CCP110: variants seen among roughly 807,000 people sequenced by gnomAD.
CCP110 encodes centriolar coiled-coil protein of 110 kDa.
Under a neutral mutation model 105.5 loss-of-function variants are expected in CCP110, and 43 were observed. The observed-to-expected ratio is 0.41, with a 90% CI of 0.32 to 0.53. CCP110 has a LOEUF of 0.53. Ranked by LOEUF, CCP110 falls within the 20% of genes least tolerant of loss-of-function variation. The pLI, the probability that CCP110 is intolerant of heterozygous loss-of-function variation, is 0.32. For missense variants in CCP110, 1,016 were observed against 1,189.1 expected (o/e 0.85, Z 2.14); for synonymous variants, 353 against 392.1 (o/e 0.90, Z 1.18).
In CCP110 at chr16:19,524,090, T is replaced by G. The variant is rs1969580283; in HGVS notation, c.-16+2T>G. 2 of 152,368 alleles carry G rather than the reference T, an allele frequency of 1.3e-5. No homozygotes were observed. Among genetic ancestry groups the G allele is most frequent in the Admixed American group, 6.6e-5 (1 of 15,196 alleles). The allele number at this position is 152,368 out of a possible 1,614,324, so 9.4% of individuals were successfully genotyped here. The stretch of plus-strand genomic sequence containing the variant: ...GCTGAAGGGGCCGTGGGGGATCAGG[T>G]GTGTGCATGAGGAGGGGGCTTGAGC... On this transcript the variant is annotated splice_donor_variant, in intron 1 of 14. Coordinates refer to ENST00000381396, the Ensembl canonical transcript of CCP110. LOFTEE classifies it low-confidence loss of function (5UTR_SPLICE).
chr16:19,524,532 A>G (rs1443867624), intron 1 of CCP110, among the ~76,000 whole-genome samples: 3 of 152,160 alleles, frequency 2.0e-5, no homozygotes, highest in South Asian at 2.1e-4. Context: ...TGTTTCCACA[A>G]CCAAGGCCCT....
chr16:19,552,991 C>T (rs1970689565), exon 15 of CCP110: 1 of 152,178 alleles, frequency 6.6e-6, no homozygotes, highest in Non-Finnish European at 1.5e-5. Flanking sequence ...ATAAACTGTG[C>T]TTTATCATTC....
At chr16:19,532,064 T>A in intron 2 of CCP110, among the ~76,000 whole-genome samples, 1 of 152,246 alleles carries the variant, frequency 6.6e-6, no homozygotes, top group East Asian at 1.9e-4. Flanking sequence ...GGGCCTTAAT[T>A]TTATTTCTGT....
Position 19,542,680 on chromosome 16 carries a change from C to G in CCP110, c.2287C>G (p.Leu763Val), listed in dbSNP as rs377710709. The G allele has an allele frequency of 1.7e-5, 28 of 1,613,154 alleles. No individual in the cohort carries two copies. The South Asian group carries it at 2.6e-4, about 15-fold the overall frequency. Residue 763 changes from leucine (L) to valine (V), a missense_variant, in exon 7 of 15, where the codon CTC becomes GTC. Leu to Val is a conservative substitution (Grantham distance 32, BLOSUM62 1). Coordinates refer to ENST00000381396, the Ensembl canonical transcript of CCP110. ...TTCTGCAAACGAAGCACCATTCTACCTCTGGGGATCATCAACTAGTGGCTT... is the reference window on the plus strand; with the variant it reads ...TTCTGCAAACGAAGCACCATTCTACGTCTGGGGATCATCAACTAGTGGCTT...
Position 19,532,521 on chromosome 16 carries a change from C to G in CCP110, c.247C>G (p.Gln83Glu), listed in dbSNP as rs1285098244. The change falls in exon 3 of 15, where the codon CAG becomes GAG. Residue 83 changes from glutamine (Q) to glutamate (E), a missense_variant. By Grantham distance (29) the Gln-to-Glu change is conservative. Coordinates refer to ENST00000381396, the Ensembl canonical transcript of CCP110. ...GAAGAAAGCTTTACTGACTCGTGTCCAGGAGATTCTTGACAATGTTCAGGT... is the reference window on the plus strand; with the variant it reads ...GAAGAAAGCTTTACTGACTCGTGTCGAGGAGATTCTTGACAATGTTCAGGT... 1.9e-6 allele frequency: 3 copies of G among 1,608,240 alleles called. No homozygotes were observed. In the African/African-American group the frequency reaches 4.0e-5, roughly 22 times the overall value.
At chr16:19,539,111 C>CA (rs749891365) in intron 4 of CCP110, among the ~76,000 whole-genome samples, 7,345 of 121,072 alleles carry the variant, frequency 0.061, 230 homozygotes, top group African/African-American at 0.11. Flanking sequence ...GATTCCATCT[C>CA]AAAAAAAAAA....
rs1294930369 is a variant in CCP110 at position 19,542,597 on chromosome 16, A to G, written c.2228-24A>G. 4 of 1,538,804 alleles carry G rather than the reference A, an allele frequency of 2.6e-6. No homozygotes were observed. In the African/African-American group the frequency reaches 5.4e-5, roughly 21 times the overall value. On this transcript the variant is annotated intron_variant, in intron 6 of 14. Coordinates refer to ENST00000381396, the Ensembl canonical transcript of CCP110. ...ATTCTAATTATATGACATCAAGTAT[A>G]ATACTATATGTATGTTTCTCTAGGT...
intron 5 of CCP110, among the ~76,000 whole-genome samples, 176 bp from the exon 6 acceptor site, chr16:19,541,711 G>C (rs983131761): frequency 1.3e-5 from 2 of 150,044 alleles, no homozygotes; most frequent in Non-Finnish European, 3.0e-5. Context: ...AAAGAAAAGA[G>C]GGAGGGAGGG....
chr16:19,536,041 A>G (rs760935454), exon 4 of CCP110: 2 of 1,613,926 alleles, frequency 1.2e-6, no homozygotes, highest in Non-Finnish European at 8.5e-7. Flanking sequence ...CTACATTTCC[A>G]AATAGCTTTC....
At chr16:19,545,282 G>C (rs1365618289) in intron 10 of CCP110, 72 bp downstream of exon 10, 2 of 761,244 alleles carry the variant, frequency 2.6e-6, no homozygotes. Flanking sequence ...GTCAGTTTTG[G>C]TTGACTTCAG....
At chr16:19,546,416 G>T in exon 12 of CCP110, 1 of 1,563,666 alleles carries the variant, frequency 6.4e-7, no homozygotes, top group Non-Finnish European at 8.8e-7. Context: ...TGTTAGAGCT[G>T]CTGAAATGGG....
At chr16:19,544,636 A>G (rs1186101912) in intron 8 of CCP110, among the ~76,000 whole-genome samples, 161 bp from the exon 9 acceptor site, 1 of 152,218 alleles carries the variant, frequency 6.6e-6, no homozygotes, top group Non-Finnish European at 1.5e-5. Context: ...GGACTCCAGC[A>G]TCCTTGGATT....
intron 5 of CCP110, 129 bp downstream of exon 5, chr16:19,540,916 T>A (rs1186071269): frequency 1.8e-6 from 1 of 556,344 alleles, no homozygotes; most frequent in Non-Finnish European, 3.1e-6. Flanking sequence ...GTCATTTTGA[T>A]ACGTGAATGG....
intron 5 of CCP110, among the ~76,000 whole-genome samples, chr16:19,541,645 G>C (rs1039745166): frequency 6.0e-5 from 5 of 82,754 alleles, no homozygotes; most frequent in African/African-American, 1.6e-4. Context: ...GAAAGAGAGA[G>C]AGAGGAGAGA....
chr16:19,536,750 T>C (rs1221549650), exon 4 of CCP110: 1 of 1,614,080 alleles, frequency 6.2e-7, no homozygotes, highest in African/African-American at 1.3e-5. Context: ...TACAGGTTCA[T>C]ATGCCAAATT....
chr16:19,542,811 G>A (rs1970334454), intron 7 of CCP110, 51 bp downstream of exon 7: 1 of 1,539,224 alleles, frequency 6.5e-7, no homozygotes, highest in Admixed American at 1.7e-5. Flanking sequence ...CTTTTCTTAA[G>A]AGCTATATTA....
Position 19,548,471 on chromosome 16 carries a change from G to T in CCP110, c.2901-44G>T. ...GCTTTCTTTGAATTTTGAACATTTA[G>T]ACCTTAATGCCAGTGACTTATTAAT... On this transcript the variant is annotated intron_variant, in intron 13 of 14. Transcript: ENST00000381396. The surrounding 1 kb of genome is among the most constrained non-coding windows in gnomAD (Gnocchi z 4.1). 8.2e-7 allele frequency: 1 copy of T among 1,217,212 alleles called. No homozygotes were observed. Among genetic ancestry groups the T allele is most frequent in the South Asian group, 1.4e-5 (1 of 72,652 alleles). The allele number at this position is 1,217,212 out of a possible 1,614,324, so 75.4% of individuals were successfully genotyped here.
At chr16:19,553,379 A>G (rs1420749679) in exon 15 of CCP110, 2 of 152,216 alleles carry the variant, frequency 1.3e-5, no homozygotes, top group African/African-American at 4.8e-5. Flanking sequence ...CTAGGCAAAA[A>G]GCAAAATAAA....
chr16:19,540,062 C>A (rs1211905318), intron 4 of CCP110, among the ~76,000 whole-genome samples: 1 of 151,980 alleles, frequency 6.6e-6, no homozygotes, highest in East Asian at 1.9e-4. Context: ...GGATTACAGA[C>A]GTGAGCCACC....
Sources: gnomAD v4.1 joint callset for allele counts (sites outside exome capture counted in the v4.1 genomes callset) on GRCh38, gnomAD v4.1.1 for gene constraint, Gnocchi (gnomAD v3.1) non-coding constraint, MANE v1.5 for transcripts, NCBI Gene and HGNC (gene_info 2026-07-23, HGNC 2026-07-21) for gene names.